Variants in HDAC4 observed in about 807,000 individuals in gnomAD.
HDAC4 encodes histone deacetylase 4.
HDAC4 carries 16 observed loss-of-function variants against 135.1 expected under a neutral mutation model. The observed-to-expected ratio is 0.12, with a 90% CI of 0.08 to 0.18. The LOEUF is 0.18. Among genes scored for constraint, HDAC4 ranks in the 10% least tolerant of loss-of-function variants. HDAC4 has a pLI of 1.00. For missense variants in HDAC4, 1,143 were observed against 1,511.8 expected (o/e 0.76, Z 4.05); for synonymous variants, 685 against 653.4 (o/e 1.05, Z -0.74).
At chr2:239,066,893 G>T (rs976745990) in intron 23 of HDAC4, 38 bp from the exon 24 acceptor site, 2 of 1,600,978 alleles carry the variant, frequency 1.2e-6, no homozygotes, top group South Asian at 2.2e-5. Flanking sequence ...GTGAACGGGG[G>T]AGGACCGCAG....
chr2:239,130,381 G>T (rs2040488037), intron 11 of HDAC4, among the ~76,000 whole-genome samples: 3 of 152,200 alleles, frequency 2.0e-5, no homozygotes, highest in African/African-American at 7.2e-5. Context: ...TAACACAGAA[G>T]CCAGGGGCAC....
intron 12 of HDAC4, among the ~76,000 whole-genome samples, chr2:239,124,859 T>TTATGTGACATTCC (rs2040049201): frequency 4.0e-4 from 12 of 29,742 alleles, no homozygotes; most frequent in Non-Finnish European, 4.5e-4. Context: ...TATGACATTC[T>TTATGTGACATTCC]GGTGTGCTGG....
chr2:239,225,563 G>A (rs2047191308), intron 3 of HDAC4, among the ~76,000 whole-genome samples: 1 of 152,230 alleles, frequency 6.6e-6, no homozygotes, highest in African/African-American at 2.4e-5. Context: ...AGCCTGGCTG[G>A]GCTCAAGAGC....
chr2:239,130,604 G>A (rs1446349970), intron 11 of HDAC4, among the ~76,000 whole-genome samples: 2 of 139,198 alleles, frequency 1.4e-5, no homozygotes, highest in African/African-American at 2.5e-5. Flanking sequence ...ATCTGTGACA[G>A]GGCCACCTCC....
chr2:239,082,305 G>A, intron 20 of HDAC4, 84 bp from the exon 21 acceptor site: 1 of 1,558,418 alleles, frequency 6.4e-7, no homozygotes, highest in Non-Finnish European at 8.8e-7. Flanking sequence ...AACCCCAGTT[G>A]TGCTTAGTGA....
Position 239,111,710 on chromosome 2 carries a change from T to A in HDAC4, c.1794A>T (p.Gln598His). 1 of 1,595,492 alleles carries A rather than the reference T, an allele frequency of 6.3e-7. No individual in the cohort carries two copies. The highest frequency in any genetic ancestry group is 1.1e-5 in the South Asian group (1 of 88,428). Residue 598 changes from glutamine to histidine, a missense_variant and splice_region_variant, in exon 14 of 27, where the codon CAA becomes CAT. Transcript: ENST00000543185. The part of the protein sequence containing the change: ...PSEQELLFRQ[Q>H]ALLLEQQRIH... ...TCCGCTGCTGCTCCAGCAGGAGGGC[T>A]TGCTGCGGGGAAGAAACGGCCGTGT... is the stretch of plus-strand genomic sequence containing the variant.
At chr2:239,358,744 G>T (rs1413463445) in intron 1 of HDAC4, among the ~76,000 whole-genome samples, 1 of 152,198 alleles carries the variant, frequency 6.6e-6, no homozygotes, top group Non-Finnish European at 1.5e-5. Flanking sequence ...CTTTCTAACA[G>T]TGGGAAACCT....
intron 2 of HDAC4, among the ~76,000 whole-genome samples, chr2:239,270,290 G>A (rs1230826405): frequency 6.6e-6 from 1 of 152,226 alleles, no homozygotes; most frequent in Non-Finnish European, 1.5e-5. Context: ...ACACCTTGGA[G>A]AGGGAAATTC....
At position 239,251,138 on chromosome 2, in the gene HDAC4, G is replaced by A. The variant is rs1192442062; in HGVS notation, c.23-14474C>T. Among the ~76,000 whole-genome samples the A allele has an allele frequency of 5.3e-5, 8 of 152,306 alleles. No individual in the cohort carries two copies. In the South Asian group the frequency reaches 8.3e-4, roughly 16 times the overall value. On this transcript the variant is annotated intron_variant, in intron 2 of 26. Coordinates refer to ENST00000543185, the MANE Select transcript of HDAC4 (RefSeq NM_001378414.1). ...CCTCAACTTTAAACGATTTCAAGACGTTTTACTCTCCTTAATTTTGGTACT... is the reference window on the plus strand; with the variant it reads ...CCTCAACTTTAAACGATTTCAAGACATTTTACTCTCCTTAATTTTGGTACT...
rs180683147 is a variant in HDAC4, at chr2:239,109,220, A to C, written c.1979-1037T>G. Among the ~76,000 whole-genome samples, 291 of 152,360 alleles carry C rather than the reference A, an allele frequency of 1.9e-3. 1 individual carries two copies. Among genetic ancestry groups the C allele is most frequent in the Non-Finnish European group, 3.0e-3 (206 of 68,024 alleles). On this transcript the variant is annotated intron_variant, in intron 14 of 26. Coordinates refer to ENST00000543185, the MANE Select transcript of HDAC4 (RefSeq NM_001378414.1). ...AAAGGGAAGGCCAGGCTGGGTGAACAGACGCCTTCCGCAGGCAGGTCACTG... is the reference window on the plus strand; with the variant it reads ...AAAGGGAAGGCCAGGCTGGGTGAACCGACGCCTTCCGCAGGCAGGTCACTG...
intron 1 of HDAC4, among the ~76,000 whole-genome samples, chr2:239,371,887 A>C (rs1575766210): frequency 2.6e-5 from 4 of 152,364 alleles, no homozygotes; most frequent in Admixed American, 2.6e-4. Flanking sequence ...GCATGGACCC[A>C]AAACAGTGAA....
chr2:239,135,432 G>A (rs1048499836), intron 9 of HDAC4, among the ~76,000 whole-genome samples: 1 of 152,140 alleles, frequency 6.6e-6, no homozygotes, highest in African/African-American at 2.4e-5. Context: ...AGGGGAAGGC[G>A]CTCAGGAAAA....
At chr2:239,072,976 CA>C (rs2152635862) in intron 22 of HDAC4, among the ~76,000 whole-genome samples, 1 of 152,288 alleles carries the variant, frequency 6.6e-6, no homozygotes, top group East Asian at 1.9e-4. Flanking sequence ...GGGCCCATCT[CA>C]ATGCTGGGAG....
chr2:239,339,408 A>C (rs1410479951), intron 2 of HDAC4, among the ~76,000 whole-genome samples: 1 of 152,082 alleles, frequency 6.6e-6, no homozygotes, highest in Non-Finnish European at 1.5e-5. Flanking sequence ...AGTCCAGGTC[A>C]CCCCGGACAC....
intron 3 of HDAC4, among the ~76,000 whole-genome samples, chr2:239,207,156 A>G (rs1414780153): frequency 1.3e-5 from 2 of 152,214 alleles, no homozygotes; most frequent in African/African-American, 4.8e-5. Flanking sequence ...AAATTTCTAA[A>G]TATCTATGGG....
Position 239,115,820 on chromosome 2 carries a change from C to CA in HDAC4, c.1534-511dup, listed in dbSNP as rs755356558. Among the ~76,000 whole-genome samples the CA allele has an allele frequency of 2.6e-5, 4 of 151,930 alleles. No individual in the cohort carries two copies. Among genetic ancestry groups the CA allele is most frequent in the East Asian group, 3.9e-4 (2 of 5,176 alleles). ...CTCCTGCAGGATCCCACCGATGTGCCATGACCTCCCTCCTGCCGGATCCTG... is the reference window on the plus strand; with the variant it reads ...CTCCTGCAGGATCCCACCGATGTGCCAATGACCTCCCTCCTGCCGGATCCTG... On this transcript the variant is annotated intron_variant, in intron 12 of 26. Coordinates refer to ENST00000543185, the MANE Select transcript of HDAC4 (RefSeq NM_001378414.1). This position sits in a 1 kb window ranked among gnomAD's most constrained non-coding sequence, Gnocchi z 6.3.
chr2:239,068,959 G>A lies in HDAC4; in HGVS notation c.2751-352C>T. The A allele has an allele frequency of 6.3e-5, 1 of 15,768 alleles. No individual in the cohort carries two copies. Among genetic ancestry groups the A allele is most frequent in the South Asian group, 5.9e-4 (1 of 1,688 alleles). 1.0% of individuals were successfully genotyped at this position (15,768 alleles called of 1,614,324 possible). ...GCAAGCCCCACTGCACTTGCTTGGTGAGAGGGAGTCACGGTGCAAGCCAGC... is the reference window on the plus strand; with the variant it reads ...GCAAGCCCCACTGCACTTGCTTGGTAAGAGGGAGTCACGGTGCAAGCCAGC... On this transcript the variant is annotated intron_variant, in intron 22 of 26. Transcript: ENST00000543185. This position sits in a 1 kb window ranked among gnomAD's most constrained non-coding sequence, Gnocchi z 4.4.
chr2:239,282,404 ACT>A (rs200007026), intron 2 of HDAC4, among the ~76,000 whole-genome samples: 2,195 of 141,586 alleles, frequency 0.016, 98 homozygotes, highest in East Asian at 0.03. Context: ...TGTACACACC[ACT>A]CTACAATGTA....
rs1168060087 is a variant in HDAC4, at chr2:239,262,803, C to T, written c.23-26139G>A. 2.6e-5 allele frequency among the ~76,000 whole-genome samples: 4 copies of T among 152,312 alleles called. No homozygotes were observed. Among genetic ancestry groups the T allele is most frequent in the Admixed American group, 6.5e-5 (1 of 15,302 alleles). ...GGCCTGTGCTCAGGCACTAAGGACACGGAGGGACTGTTCTGGGATCCACCC... is the reference window on the plus strand; with the variant it reads ...GGCCTGTGCTCAGGCACTAAGGACATGGAGGGACTGTTCTGGGATCCACCC... On this transcript the variant is annotated intron_variant, in intron 2 of 26. Coordinates refer to ENST00000543185, the MANE Select transcript of HDAC4 (RefSeq NM_001378414.1). This position sits in a 1 kb window ranked among gnomAD's most constrained non-coding sequence, Gnocchi z 4.1.
Sources: allele counts gnomAD v4.1 joint callset (sites outside exome capture counted in the v4.1 genomes callset), GRCh38; gene constraint gnomAD v4.1.1; non-coding constraint Gnocchi (gnomAD v3.1); transcripts MANE v1.5; gene names NCBI Gene and HGNC (gene_info 2026-07-23, HGNC 2026-07-21).